CAMTA1: variants seen among roughly 807,000 people sequenced by gnomAD.
CAMTA1 encodes the protein calmodulin-binding transcription activator 1.
CAMTA1 carries 27 observed loss-of-function variants against 170.9 expected under a neutral mutation model. That is an observed-to-expected ratio of 0.16 (90% CI 0.12 to 0.22). The LOEUF is 0.22. Ranked by LOEUF, CAMTA1 falls within the 10% of genes least tolerant of loss-of-function variation. The pLI is 1.00. For missense variants in CAMTA1, 1,619 were observed against 2,217.2 expected, an observed-to-expected ratio of 0.73 and a Z score of 5.42; for synonymous variants, 833 against 891.5, an observed-to-expected ratio of 0.93 and a Z score of 1.17.
chr1:7,537,329 C>T (rs927494260), intron 6 of CAMTA1, among the ~76,000 whole-genome samples: 1 of 152,234 alleles, frequency 6.6e-6, no homozygotes, highest in Non-Finnish European at 1.5e-5. Flanking sequence ...GGCAAAGTGG[C>T]CTCCCCCACA....
At chr1:7,507,154 ACTCACACAACACACACG>A (rs1399423829) in intron 6 of CAMTA1, among the ~76,000 whole-genome samples, 15 of 150,016 alleles carry the variant, frequency 1.0e-4, no homozygotes, top group Admixed American at 9.9e-4. Flanking sequence ...TCACTCCCAC[ACTCACACAACACACACG>A]CTCACACTCA....
Position 7,045,796 on chromosome 1 carries a change from G to A in CAMTA1, c.235-45508G>A, listed in dbSNP as rs1003759202. Among the ~76,000 whole-genome samples, 50 of 152,194 alleles carry A rather than the reference G, an allele frequency of 3.3e-4. 1 individual carries two copies. The highest frequency in any genetic ancestry group is 1.2e-3 in the African/African-American group (48 of 41,450). On this transcript the variant is annotated intron_variant, in intron 3 of 22. Transcript: ENST00000303635. ...TGGATTGTGTGGCTGATACGGGCTT[G>A]GAGTTAAGCACATCCTTCCTCGATA...
intron 6 of CAMTA1, among the ~76,000 whole-genome samples, chr1:7,610,166 A>C (rs1327871561): frequency 6.6e-6 from 1 of 152,228 alleles, no homozygotes; most frequent in Non-Finnish European, 1.5e-5. Context: ...CTCACATGGC[A>C]GTGGCAGCAG....
At chr1:6,931,351 T>G (rs1684379662) in intron 3 of CAMTA1, among the ~76,000 whole-genome samples, 1 of 152,164 alleles carries the variant, frequency 6.6e-6, no homozygotes, top group Non-Finnish European at 1.5e-5. Flanking sequence ...TCAGAGTCAC[T>G]TATCTCAGCA....
chr1:7,560,147 T>C (rs1181635333), intron 6 of CAMTA1, among the ~76,000 whole-genome samples: 1 of 152,234 alleles, frequency 6.6e-6, no homozygotes, highest in Non-Finnish European at 1.5e-5. Context: ...TGATTGTTCC[T>C]ATCCTTGTCC....
chr1:6,792,365 G>A (rs147208493), intron 1 of CAMTA1, among the ~76,000 whole-genome samples: 1 of 149,782 alleles, frequency 6.7e-6, no homozygotes, highest in Admixed American at 6.6e-5. Flanking sequence ...TTTGCCATCA[G>A]TATGCTAGCT....
chr1:7,074,582 ATGT>A (rs1417116455), intron 3 of CAMTA1, among the ~76,000 whole-genome samples: 22 of 152,144 alleles, frequency 1.4e-4, no homozygotes, highest in Non-Finnish European at 2.8e-4. Context: ...TTTCTCCTCA[ATGT>A]TGTTAGTGTA....
rs547463402 is a variant in CAMTA1 at position 7,010,005 on chromosome 1, C to T, written c.235-81299C>T. 6.4e-4 allele frequency among the ~76,000 whole-genome samples: 97 copies of T among 152,306 alleles called. No homozygotes were observed. Among genetic ancestry groups the T allele is most frequent in the African/African-American group, 2.2e-3 (91 of 41,574 alleles). ...GGTGTTGGCGCTGTCCAGGTGCCGG[C>T]CAGTGTGGAAGGAGCTGGCTGCTGA... On this transcript the variant is annotated intron_variant, in intron 3 of 22. Transcript: ENST00000303635. The surrounding 1 kb of genome is among the most constrained non-coding windows in gnomAD (Gnocchi z 4.4).
intron 5 of CAMTA1, among the ~76,000 whole-genome samples, chr1:7,405,545 A>AT (rs35751150): frequency 3.3e-5 from 5 of 151,346 alleles, no homozygotes; most frequent in East Asian, 3.9e-4. Flanking sequence ...TAATTTTTGT[A>AT]TTTTTTTTTA....
rs937832236 is a variant in CAMTA1 at position 7,500,428 on chromosome 1, T to TTG, written c.510+32540_510+32541dup. Among the ~76,000 whole-genome samples, 13 of 116,298 alleles carry TTG rather than the reference T, an allele frequency of 1.1e-4. No individual in the cohort carries two copies. In the South Asian group the frequency reaches 1.4e-3, roughly 13 times the overall value. 76.3% of individuals were successfully genotyped at this position (116,298 alleles called of 152,430 possible). On this transcript the variant is annotated intron_variant, in intron 6 of 22. Coordinates refer to ENST00000303635, the MANE Select transcript of CAMTA1 (RefSeq NM_015215.4). ...GTGTAGAGAGGATGGTGTGAGCCTG[T>TTG]TGTGTGTGTGTGTGCATGAGTGAGT... is the stretch of plus-strand genomic sequence containing the variant.
At chr1:7,337,315 T>C (rs1018362360) in intron 5 of CAMTA1, among the ~76,000 whole-genome samples, 9 of 152,236 alleles carry the variant, frequency 5.9e-5, no homozygotes, top group African/African-American at 2.2e-4. Context: ...GCGTGTCTGA[T>C]AGGCATTGCA....
intron 3 of CAMTA1, among the ~76,000 whole-genome samples, chr1:7,035,366 C>T (rs935064456): frequency 3.3e-5 from 5 of 151,838 alleles, no homozygotes; most frequent in Non-Finnish European, 7.4e-5. Context: ...CGCCATTGCA[C>T]TCCAGCCTGG....
intron 5 of CAMTA1, among the ~76,000 whole-genome samples, chr1:7,327,279 G>A (rs769339912): frequency 2.0e-5 from 3 of 151,750 alleles, no homozygotes; most frequent in Non-Finnish European, 2.9e-5. Flanking sequence ...GGTGGTGGGC[G>A]CCTGTAGTCC....
intron 6 of CAMTA1, among the ~76,000 whole-genome samples, chr1:7,489,882 G>C (rs2093677011): frequency 6.6e-6 from 1 of 152,200 alleles, no homozygotes; most frequent in East Asian, 1.9e-4. Flanking sequence ...GCCCCGAGCA[G>C]ACGGGGTGAC....
At chr1:7,572,895 C>T (rs1380923637) in intron 6 of CAMTA1, among the ~76,000 whole-genome samples, 20 of 152,330 alleles carry the variant, frequency 1.3e-4, no homozygotes, top group Non-Finnish European at 7.3e-5. Flanking sequence ...CACCTGTGAT[C>T]CAGCTATCTG....
In CAMTA1 at chr1:7,014,072, G is replaced by A. The variant is rs963608469; in HGVS notation, c.235-77232G>A. Among the ~76,000 whole-genome samples the A allele has an allele frequency of 5.9e-5, 9 of 152,340 alleles. No individual in the cohort carries two copies. In the South Asian group the frequency reaches 6.2e-4, roughly 11 times the overall value. On this transcript the variant is annotated intron_variant, in intron 3 of 22. Transcript: ENST00000303635. The surrounding 1 kb of genome is among the most constrained non-coding windows in gnomAD (Gnocchi z 4.2). ...CCATGTGGGAGATAGGGAACCTGTC[G>A]AGTGCGGTTCTGAAGGGCTTGCTCT...
At chr1:7,413,312 T>TG in intron 5 of CAMTA1, among the ~76,000 whole-genome samples, 1 of 152,308 alleles carries the variant, frequency 6.6e-6, no homozygotes, top group Non-Finnish European at 1.5e-5. Flanking sequence ...GGTAGCTTGA[T>TG]GGGGATGGCA....
chr1:7,195,581 C>T lies in CAMTA1; in HGVS notation c.303-53910C>T, dbSNP rs1254623310. Among the ~76,000 whole-genome samples, 1 of 152,168 alleles carries T rather than the reference C, an allele frequency of 6.6e-6. No homozygotes were observed. Among genetic ancestry groups the T allele is most frequent in the Non-Finnish European group, 1.5e-5 (1 of 68,020 alleles). On this transcript the variant is annotated intron_variant, in intron 4 of 22. Coordinates refer to ENST00000303635, the MANE Select transcript of CAMTA1 (RefSeq NM_015215.4). The surrounding 1 kb of genome is among the most constrained non-coding windows in gnomAD (Gnocchi z 4.1). The stretch of plus-strand genomic sequence containing the variant: ...CAACAGTGGTTGGCACTGTGACACT[C>T]TCCCGCCACACATGGCACACTCACC...
At chr1:7,019,793 C>T (rs1701090204) in intron 3 of CAMTA1, among the ~76,000 whole-genome samples, 1 of 152,244 alleles carries the variant, frequency 6.6e-6, no homozygotes, top group Non-Finnish European at 1.5e-5. Flanking sequence ...AAAGTGAGTT[C>T]ACCTGTGTCC....
Sources: gnomAD v4.1 joint callset for allele counts (sites outside exome capture counted in the v4.1 genomes callset) on GRCh38, gnomAD v4.1.1 for gene constraint, Gnocchi (gnomAD v3.1) non-coding constraint, MANE v1.5 for transcripts, NCBI Gene and HGNC (gene_info 2026-07-23, HGNC 2026-07-21) for gene names.